The following CCDC186 variants were observed in gnomAD, a reference collection of about 807,000 sequenced individuals.
CCDC186 encodes coiled-coil domain-containing protein 186.
CCDC186 carries 49 observed loss-of-function variants against 113.7 expected under a neutral mutation model. The observed-to-expected ratio is 0.43, with a 90% CI of 0.34 to 0.55. The LOEUF is 0.55. Ranked by LOEUF, CCDC186 falls within the 20% of genes least tolerant of loss-of-function variation. The probability of loss-of-function intolerance (pLI) is 0.02; values close to 1 mark genes in which losing one functional copy is unlikely to be tolerated. For synonymous variants in CCDC186, 355 were observed against 345.8 expected (o/e 1.03, Z -0.30); for missense variants, 890 against 1,011.1 (o/e 0.88, Z 1.62).
intron 6 of CCDC186, among the ~76,000 whole-genome samples, chr10:114,142,165 C>A (rs1006280845): frequency 5.9e-5 from 9 of 152,168 alleles, no homozygotes; most frequent in African/African-American, 2.2e-4. Context: ...ACTGACAACA[C>A]GACAGCCTCG....
intron 4 of CCDC186, among the ~76,000 whole-genome samples, chr10:114,147,759 GAGCT>G (rs1394379440): frequency 1.3e-5 from 2 of 152,142 alleles, no homozygotes; most frequent in East Asian, 3.8e-4. Flanking sequence ...AGCAGCATGG[GAGCT>G]TCACTGAAGT....
rs187939755 is a variant in CCDC186, at chr10:114,166,604, T to A, written c.-61-3275A>T. 2.0e-5 allele frequency among the ~76,000 whole-genome samples: 3 copies of A among 152,356 alleles called. No individual in the cohort carries two copies. In the East Asian group the frequency reaches 5.8e-4, roughly 29 times the overall value. On this transcript the variant is annotated intron_variant, in intron 1 of 15. Coordinates refer to ENST00000369287, the MANE Select transcript of CCDC186 (RefSeq NM_018017.4). ...TCAAACTCTTAAGTCTCATGCAATA[T>A]GACAGTAATAATAAATCTAACAAAC...
chr10:114,138,656 T>C (rs965724961), intron 6 of CCDC186, among the ~76,000 whole-genome samples: 1 of 152,028 alleles, frequency 6.6e-6, no homozygotes, highest in East Asian at 1.9e-4. Flanking sequence ...TCCAATTACT[T>C]CTTCTTCTTC....
chr10:114,160,505 G>T (rs2032139783), intron 2 of CCDC186, among the ~76,000 whole-genome samples: 1 of 152,148 alleles, frequency 6.6e-6, no homozygotes, highest in Admixed American at 6.5e-5. Flanking sequence ...CTTGAAATTT[G>T]TTTAGACAGT....
chr10:114,148,835 A>G (rs1396722340), intron 4 of CCDC186, among the ~76,000 whole-genome samples: 1 of 152,242 alleles, frequency 6.6e-6, no homozygotes, highest in African/African-American at 2.4e-5. Context: ...GTTCAAATTC[A>G]TTCTATCTAT....
intron 1 of CCDC186, among the ~76,000 whole-genome samples, chr10:114,170,128 T>C (rs1339508749): frequency 1.3e-5 from 2 of 152,156 alleles, no homozygotes; most frequent in African/African-American, 2.4e-5. Flanking sequence ...GTATGAAACA[T>C]GAAAATGTTG....
chr10:114,145,674 G>A lies in CCDC186; in HGVS notation c.976C>T (p.Arg326Ter), dbSNP rs1258345153. The A allele has an allele frequency of 1.9e-6, 3 of 1,612,106 alleles. No homozygotes were observed. Among genetic ancestry groups the A allele is most frequent in the Non-Finnish European group, 2.5e-6 (3 of 1,179,558 alleles). ...VRGEKESLDL[R>*]KEKETLEKKL... ...TTCTCAAGTGTCTCTTTTTCCTTTC[G>A]AAGATCTAAAGATTCCTTCTCACCT... The change falls in exon 5 of 16, where the codon CGA becomes TGA. Residue 326 changes from arginine (R) to a stop codon, truncating the protein, a stop_gained. Coordinates refer to ENST00000369287, the MANE Select transcript of CCDC186 (RefSeq NM_018017.4). LOFTEE classifies it high-confidence loss of function.
At chr10:114,163,370 C>T (rs1165249283) in intron 1 of CCDC186, 41 bp from the exon 2 acceptor site, 1 of 1,481,892 alleles carries the variant, frequency 6.7e-7, no homozygotes, top group African/African-American at 1.4e-5. Flanking sequence ...CACTTTAAAC[C>T]AAAACCCCAT....
intron 1 of CCDC186, among the ~76,000 whole-genome samples, chr10:114,168,943 T>C (rs2032410243): frequency 6.6e-6 from 1 of 152,182 alleles, no homozygotes; most frequent in African/African-American, 2.4e-5. Flanking sequence ...AAACTAGATG[T>C]TCATTTTTAC....
At chr10:114,139,462 C>A (rs1317606291) in intron 6 of CCDC186, among the ~76,000 whole-genome samples, 1 of 151,440 alleles carries the variant, frequency 6.6e-6, no homozygotes, top group East Asian at 1.9e-4. Context: ...ACTCAGGAGG[C>A]TGAGGCAGAA....
chr10:114,139,296 C>T (rs1317568817), intron 6 of CCDC186, among the ~76,000 whole-genome samples: 3 of 151,292 alleles, frequency 2.0e-5, no homozygotes, highest in Non-Finnish European at 4.4e-5. Flanking sequence ...GGTGCAGTGG[C>T]TCATGCTTGT....
chr10:114,174,167 C>T lies in CCDC186; in HGVS notation c.-214G>A, dbSNP rs1418383763. The T allele has an allele frequency of 2.2e-6, 1 of 464,910 alleles. No homozygotes were observed. Among genetic ancestry groups the T allele is most frequent in the Non-Finnish European group, 4.5e-6 (1 of 223,208 alleles). 28.8% of individuals were successfully genotyped at this position (464,910 alleles called of 1,614,324 possible). A position where few individuals can be genotyped will look rare whatever the true frequency, so the allele number is the denominator to read the frequency against. ...CCGACGCCTCACTCAGCGGCCGTTT[C>T]CCCAAACCCCTGCGGAGCTGACACA... On this transcript the variant is annotated 5_prime_UTR_variant, in exon 1 of 16. Coordinates refer to ENST00000369287, the MANE Select transcript of CCDC186 (RefSeq NM_018017.4).
At position 114,173,115 on chromosome 10, in the gene CCDC186, C is replaced by A. The variant is rs1387393698; in HGVS notation, c.-62+900G>T. 9.5e-6 allele frequency: 4 copies of A among 422,718 alleles called. No homozygotes were observed. In the East Asian group the frequency reaches 2.9e-4, roughly 30 times the overall value. The allele number at this position is 422,718 out of a possible 1,614,324, so 26.2% of individuals were successfully genotyped here. On this transcript the variant is annotated intron_variant, in intron 1 of 15. Coordinates refer to ENST00000369287, the MANE Select transcript of CCDC186 (RefSeq NM_018017.4). ...AGCTGGGCATCAAAGGAACATGACA[C>A]ACATGCAGAGAAAACGGCCAAGTAC... is the stretch of plus-strand genomic sequence containing the variant.
intron 6 of CCDC186, among the ~76,000 whole-genome samples, chr10:114,143,973 A>T (rs1261319681): frequency 6.6e-6 from 1 of 152,078 alleles, no homozygotes; most frequent in Non-Finnish European, 1.5e-5. Flanking sequence ...AATTATATTC[A>T]CTAGGCACAA....
intron 1 of CCDC186, among the ~76,000 whole-genome samples, chr10:114,171,549 T>TC (rs2032495425): frequency 6.6e-6 from 1 of 152,128 alleles, no homozygotes; most frequent in African/African-American, 2.4e-5. Flanking sequence ...AGATCTTGTC[T>TC]CAAAAAACTA....
intron 11 of CCDC186, among the ~76,000 whole-genome samples, chr10:114,131,626 T>C (rs752037371): frequency 1.2e-4 from 18 of 152,202 alleles, no homozygotes; most frequent in Non-Finnish European, 2.6e-4. Flanking sequence ...GACACTCTCA[T>C]AAATTATAAA....
At chr10:114,132,875 T>TAACA (rs2031134341) in intron 10 of CCDC186, among the ~76,000 whole-genome samples, 3 of 152,206 alleles carry the variant, frequency 2.0e-5, no homozygotes, top group African/African-American at 4.8e-5. Context: ...CCCTAGCACT[T>TAACA]AACACAGGGT....
intron 13 of CCDC186, 52 bp from the exon 14 acceptor site, chr10:114,127,723 C>A: frequency 7.1e-7 from 1 of 1,398,666 alleles, no homozygotes; most frequent in Non-Finnish European, 1.0e-6. Context: ...AACATCACCT[C>A]TCATCTCATA....
intron 6 of CCDC186, among the ~76,000 whole-genome samples, chr10:114,137,901 T>C (rs1446909018): frequency 6.6e-6 from 1 of 151,918 alleles, no homozygotes; most frequent in Non-Finnish European, 1.5e-5. Context: ...CCGGGTGTGG[T>C]GGCGCATGCC....
Sources: gnomAD v4.1 joint callset for allele counts (sites outside exome capture counted in the v4.1 genomes callset) on GRCh38, gnomAD v4.1.1 for gene constraint, MANE v1.5 for transcripts, NCBI Gene and HGNC (gene_info 2026-07-23, HGNC 2026-07-21) for gene names.